IPO4: variants seen among roughly 807,000 people sequenced by gnomAD.
The protein encoded by IPO4 is importin 4, also known as importin-4.
IPO4 carries 91 observed loss-of-function variants against 133.5 expected under a neutral mutation model. That is an observed-to-expected ratio of 0.68 (90% CI 0.58 to 0.81). The LOEUF is 0.81. Among genes scored for constraint, IPO4 ranks in the 30% least tolerant of loss-of-function variants. The probability of loss-of-function intolerance (pLI) is 0.00; values close to 1 mark genes in which losing one functional copy is unlikely to be tolerated. For synonymous variants in IPO4, 607 were observed against 581.6 expected, an observed-to-expected ratio of 1.04 and a Z score of -0.63; for missense variants, 1,279 against 1,386.2, an observed-to-expected ratio of 0.92 and a Z score of 1.23.
intron 15 of IPO4, 25 bp from the exon 16 acceptor site, chr14:24,184,788 G>A: frequency 6.2e-7 from 1 of 1,607,204 alleles, no homozygotes; most frequent in East Asian, 2.2e-5. Context: ...GACAGAATCA[G>A]AGCTGGAGAG....
rs762717185 is a variant in IPO4, at chr14:24,183,523, G to C, written c.2064-10C>G. The C allele has an allele frequency of 6.2e-7, 1 of 1,614,070 alleles. No homozygotes were observed. The highest frequency in any genetic ancestry group is 1.1e-5 in the South Asian group (1 of 91,064). On this transcript the variant is annotated splice_polypyrimidine_tract_variant and intron_variant, in intron 20 of 29. Transcript: ENST00000354464. The stretch of plus-strand genomic sequence containing the variant: ...TGGAAGGAAGGCCACACTACAGAGA[G>C]AGACACAGCCGTGGGTAAGGGGCCC...
chr14:24,184,178 G>GA, intron 17 of IPO4, 69 bp from the exon 18 acceptor site: 1 of 1,572,202 alleles, frequency 6.4e-7, no homozygotes, highest in Non-Finnish European at 8.7e-7. Context: ...GGGGAGCCCG[G>GA]GAACACCTGG....
In IPO4 at chr14:24,187,811, G is replaced by C; in HGVS notation, c.279-15C>G. ...TCACACAGTGCCTGCAAACAGGAGA[G>C]ATCTCCTCCAATCACCCTTCAATAC... On this transcript the variant is annotated splice_polypyrimidine_tract_variant and intron_variant, in intron 4 of 29. Coordinates refer to ENST00000354464, the MANE Select transcript of IPO4 (RefSeq NM_024658.4). The C allele has an allele frequency of 6.2e-7, 1 of 1,613,864 alleles. No individual in the cohort carries two copies. The highest frequency in any genetic ancestry group is 1.1e-5 in the South Asian group (1 of 91,032).
chr14:24,188,230 C>T lies in IPO4; in HGVS notation c.264G>A (p.Leu88=), dbSNP rs775255790. 4 of 1,613,562 alleles carry T rather than the reference C, an allele frequency of 2.5e-6. No homozygotes were observed. Among genetic ancestry groups the T allele is most frequent in the Admixed American group, 3.3e-5 (2 of 59,902 alleles). The part of the protein sequence containing the change: ...ESLKSLILTA[L]QRETEHCVSL... ...TAGGTACTTACTCTGTTTCTCTCTG[C>T]AGGGCCGTCAGGATCAGGGACTTGA... Residue 88 remains leucine (L), a synonymous_variant, in exon 4 of 30, where the codon CTG becomes CTA. Transcript: ENST00000354464.
chr14:24,184,484 C>T, intron 16 of IPO4, 66 bp from the exon 17 acceptor site: 35 of 1,548,550 alleles, frequency 2.3e-5, no homozygotes, highest in Non-Finnish European at 3.1e-5. Flanking sequence ...AAGGTGGTGG[C>T]TGGGAGGGAT....
In IPO4 at chr14:24,180,421, G is replaced by A; in HGVS notation, c.*21C>T. On this transcript the variant is annotated 3_prime_UTR_variant, in exon 30 of 30. Transcript: ENST00000354464. ...GGCCTGGGCAGGCTCTATTCTCTCT[G>A]GACTGGCTGCAGCCTGCAGTCTAGG... The A allele has an allele frequency of 6.3e-7, 1 of 1,599,900 alleles. No individual in the cohort carries two copies. The highest frequency in any genetic ancestry group is 8.5e-7 in the Non-Finnish European group (1 of 1,169,924).
In IPO4 at chr14:24,187,157, G is replaced by C. The variant is rs200122054; in HGVS notation, c.589-7C>G. The C allele has an allele frequency of 6.2e-7, 1 of 1,613,404 alleles. No homozygotes were observed. The highest frequency in any genetic ancestry group is 2.2e-5 in the East Asian group (1 of 44,850). ...CCAACATCCGAGCGAGAGGCTGAGG[G>C]ACACATCACAGAGAGCATGATGCAG... On this transcript the variant is annotated splice_polypyrimidine_tract_variant and splice_region_variant and intron_variant, in intron 6 of 29. Coordinates refer to ENST00000354464, the MANE Select transcript of IPO4 (RefSeq NM_024658.4).
rs764358305 is a variant in IPO4 at position 24,181,700 on chromosome 14, C to G, written c.2940+11G>C. 3 of 1,606,110 alleles carry G rather than the reference C, an allele frequency of 1.9e-6. No individual in the cohort carries two copies. In the South Asian group the frequency reaches 3.3e-5, roughly 18 times the overall value. ...AGCTTCCAAGCCCTGCCTGATGTCT[C>G]CCTCCCTCACCTGGGGCTCTGGTTT... is the stretch of plus-strand genomic sequence containing the variant. On this transcript the variant is annotated intron_variant, in intron 27 of 29. Coordinates refer to ENST00000354464, the MANE Select transcript of IPO4 (RefSeq NM_024658.4).
rs563725395 is a variant in IPO4, at chr14:24,183,267, G to T, written c.2210C>A (p.Ser737Ter). 1 of 1,613,578 alleles carries T rather than the reference G, an allele frequency of 6.2e-7. No homozygotes were observed. The highest frequency in any genetic ancestry group is 8.5e-7 in the Non-Finnish European group (1 of 1,179,802). ...CTCCTCACCAGCAGTGTTGGGTTCC[G>T]AGGGGCAGCTTTGACAGGCCTTGTG... ...ALHKACQSCP[S>*]EPNTAALQAA... The change falls in exon 22 of 30, where the codon TCG becomes TAG. Residue 737 changes from serine (S) to a stop codon, truncating the protein, a stop_gained. Transcript: ENST00000354464. LOFTEE classifies it high-confidence loss of function.
Position 24,187,929 on chromosome 14 carries a change from C to T in IPO4, c.279-133G>A. The T allele has an allele frequency of 3.6e-6, 4 of 1,101,962 alleles. No homozygotes were observed. In the South Asian group the frequency reaches 5.9e-5, roughly 16 times the overall value. 68.3% of individuals were successfully genotyped at this position (1,101,962 alleles called of 1,614,324 possible). A position where few individuals can be genotyped will look rare whatever the true frequency, so the allele number is the denominator to read the frequency against. On this transcript the variant is annotated intron_variant, in intron 4 of 29. Coordinates refer to ENST00000354464, the MANE Select transcript of IPO4 (RefSeq NM_024658.4). The stretch of plus-strand genomic sequence containing the variant: ...ACAGGGTCTTTGCCAAGTTGGGACA[C>T]ATGAGACAGCAGCTCAGAGGGAGCC...
intron 14 of IPO4, 80 bp from the exon 15 acceptor site, chr14:24,185,060 T>A (rs1309385274): frequency 1.3e-6 from 2 of 1,591,072 alleles, no homozygotes; most frequent in Non-Finnish European, 1.7e-6. Context: ...GGAAACCTTT[T>A]TTTGGCACCA....
chr14:24,184,625 C>A, intron 16 of IPO4, 25 bp downstream of exon 16: 1 of 1,536,116 alleles, frequency 6.5e-7, no homozygotes, highest in South Asian at 1.2e-5. Context: ...GCACTGGGAG[C>A]CCCACCTGGG....
Position 24,183,786 on chromosome 14 carries a change from G to A in IPO4, c.1982C>T (p.Ser661Leu). 6.2e-7 allele frequency: 1 copy of A among 1,614,134 alleles called. No individual in the cohort carries two copies. The highest frequency in any genetic ancestry group is 8.5e-7 in the Non-Finnish European group (1 of 1,180,034). Residue 661 changes from serine (S) to leucine (L), a missense_variant, in exon 19 of 30, where the codon TCA (serine) becomes TTA (leucine). This residue lies in a region of IPO4 where 575 missense variants were observed against 653.4 expected (regional missense o/e 0.88). Coordinates refer to ENST00000354464, the MANE Select transcript of IPO4 (RefSeq NM_024658.4). Reference sequence around the variant, plus strand: ...TCAGAAGAGCACCCCTCCGCACCCTGAGATCTCTGAGTCATCCTCTTCTTC... The same window carrying A: ...TCAGAAGAGCACCCCTCCGCACCCTAAGATCTCTGAGTCATCCTCTTCTTC... ...DVEEEDDSEI[S>L]GYSVENAFFD...
chr14:24,184,466 C>T (rs748403300), intron 16 of IPO4, 48 bp from the exon 17 acceptor site: 27 of 1,581,692 alleles, frequency 1.7e-5, no homozygotes, highest in African/African-American at 9.4e-5. Flanking sequence ...AGGTGGGCTA[C>T]GGGACCAAAG....
chr14:24,180,262 G>T lies in IPO4; in HGVS notation c.*180C>A. The T allele has an allele frequency of 6.5e-7, 1 of 1,545,808 alleles. No individual in the cohort carries two copies. Among genetic ancestry groups the T allele is most frequent in the Non-Finnish European group, 8.8e-7 (1 of 1,142,576 alleles). On this transcript the variant is annotated 3_prime_UTR_variant, in exon 30 of 30. Transcript: ENST00000354464. ...CAAGCTGCTTTTATTACAGTATGATGTCATGACTCATTTGTAACAGATCCA... is the reference window on the plus strand; with the variant it reads ...CAAGCTGCTTTTATTACAGTATGATTTCATGACTCATTTGTAACAGATCCA...
chr14:24,186,360 T>G lies in IPO4; in HGVS notation c.932A>C (p.Glu311Ala), dbSNP rs748637589. 3.1e-6 allele frequency: 5 copies of G among 1,613,152 alleles called. No individual in the cohort carries two copies. Among genetic ancestry groups the G allele is most frequent in the Non-Finnish European group, 4.2e-6 (5 of 1,179,608 alleles). Residue 311 changes from glutamate to alanine, a missense_variant, in exon 10 of 30, where the codon GAG becomes GCG. Glu to Ala is a moderately radical substitution (Grantham distance 107). This residue lies in a region of IPO4 where 695 missense variants were observed against 704.1 expected (regional missense o/e 0.99). Coordinates refer to ENST00000354464, the MANE Select transcript of IPO4 (RefSeq NM_024658.4). ...CTCTTCCTCTTCTGAATCCTGGTCC[T>G]CGGGATCCAACTGGCCTGGTGGGGG... ...AEPPPGQLDPEDQDSEEEELE... is the reference protein window; with the variant it reads ...AEPPPGQLDPADQDSEEEELE...
At position 24,186,165 on chromosome 14, in the gene IPO4, T is replaced by G; in HGVS notation, c.1023A>C (p.Ala341=). 1 of 1,613,864 alleles carries G rather than the reference T, an allele frequency of 6.2e-7. No homozygotes were observed. Among genetic ancestry groups the G allele is most frequent in the Non-Finnish European group, 8.5e-7 (1 of 1,179,906 alleles). Residue 341 remains alanine, a synonymous_variant, in exon 11 of 30, where the codon GCA becomes GCC. Transcript: ENST00000354464. The part of the protein sequence containing the change: ...HFAVQVVDML[A]LHLPPEKLCP... ...AGAGCTTCTCGGGGGGCAGGTGTAG[T>G]GCCAGCATGTCCACAACCTGAGATG...
chr14:24,185,167 C>T lies in IPO4; in HGVS notation c.1408+16G>A. The T allele has an allele frequency of 6.2e-7, 1 of 1,613,870 alleles. No individual in the cohort carries two copies. Among genetic ancestry groups the T allele is most frequent in the Non-Finnish European group, 8.5e-7 (1 of 1,179,856 alleles). Reference sequence around the variant, plus strand: ...GCCTCATCCCCCTTCCCCAAGCTCCCCACTGCCATCACTACCTAGGTTCTC... The same window carrying T: ...GCCTCATCCCCCTTCCCCAAGCTCCTCACTGCCATCACTACCTAGGTTCTC... On this transcript the variant is annotated intron_variant, in intron 14 of 29. Transcript: ENST00000354464.
At position 24,188,384 on chromosome 14, in the gene IPO4, T is replaced by G. The variant is rs773675676; in HGVS notation, c.196A>C (p.Asn66His). 8.1e-6 allele frequency: 13 copies of G among 1,613,006 alleles called. No homozygotes were observed. Among genetic ancestry groups the G allele is most frequent in the Middle Eastern group, 3.3e-4 (2 of 6,082 alleles). The change falls in exon 3 of 30, where the codon AAC (asparagine) becomes CAC (histidine). Residue 66 changes from asparagine to histidine, a missense_variant. Coordinates refer to ENST00000354464, the MANE Select transcript of IPO4 (RefSeq NM_024658.4). The part of the protein sequence containing the change: ...FAAVLTRRRL[N>H]TRWRRLAAEQ... ...GCCGCCAGCCGTCGCCAGCGGGTGT[T>G]CAGTCGTCTGCGGGTCAGCACGGCC...
Sources: gnomAD v4.1 joint callset for allele counts on GRCh38, gnomAD v4.1.1 for gene constraint, gnomAD v4.1.1 regional missense constraint, MANE v1.5 for transcripts, NCBI Gene and HGNC (gene_info 2026-07-23, HGNC 2026-07-21) for gene names.